COL6A1: variants seen among roughly 807,000 people sequenced by gnomAD.
COL6A1 encodes the protein collagen alpha-1(VI) chain.
Under a neutral mutation model 145.6 loss-of-function variants are expected in COL6A1, and 80 were observed. That is an observed-to-expected ratio of 0.55 (90% confidence interval 0.46 to 0.66). The LOEUF is 0.66. COL6A1 is among the 30% of genes least tolerant of loss of function. COL6A1 has a pLI of 0.00. For synonymous variants in COL6A1, 638 were observed against 622.8 expected, an observed-to-expected ratio of 1.02 and a Z score of -0.36; for missense variants, 1,364 against 1,473.8, an observed-to-expected ratio of 0.93 and a Z score of 1.22.
intron 3 of COL6A1, among the ~76,000 whole-genome samples, chr21:45,985,915 C>T (rs1203648605): frequency 2.0e-5 from 3 of 152,186 alleles, no homozygotes; most frequent in African/African-American, 2.4e-5. Flanking sequence ...TGGCCACACA[C>T]GTCAGAGTGC....
rs7277078 is a variant in COL6A1, at chr21:46,001,057, A to G, written c.1823-196A>G. The G allele has an allele frequency of 0.86, 694,846 of 806,988 alleles. 299,770 individuals carry two copies. Among genetic ancestry groups the G allele is most frequent in the Admixed American group, 0.91 (36,092 of 39,614 alleles). The allele number at this position is 806,988 out of a possible 1,614,324, so 50.0% of individuals were successfully genotyped here. On this transcript the variant is annotated intron_variant, in intron 29 of 34. Transcript: ENST00000361866. ...CACCCTAGCCTGGCTGAGCAACGCC[A>G]GCCCTGACCAGCCGCCGGACAGAGC...
rs201683626 is a variant in COL6A1 at position 46,004,025 on chromosome 21, C to T, written c.*12C>T. The T allele has an allele frequency of 8.9e-5, 143 of 1,612,912 alleles. No homozygotes were observed. The highest frequency in any genetic ancestry group is 1.1e-4 in the Non-Finnish European group (125 of 1,180,012). On this transcript the variant is annotated 3_prime_UTR_variant, in exon 35 of 35. Transcript: ENST00000361866. ...TGGCGCTGGGCTAGCCCACCCTGCA[C>T]GCCGGCACCAAACCCTGTCCTCCCA... is the stretch of plus-strand genomic sequence containing the variant.
chr21:46,002,733 A>G (rs1569519150), intron 33 of COL6A1, 23 bp downstream of exon 33: 2 of 1,558,964 alleles, frequency 1.3e-6, no homozygotes, highest in South Asian at 1.2e-5. Context: ...CCACCCGGGC[A>G]GTCCCAGATC....
At chr21:45,988,642 G>C (rs1193159131) in intron 8 of COL6A1, among the ~76,000 whole-genome samples, 2 of 152,152 alleles carry the variant, frequency 1.3e-5, no homozygotes, top group African/African-American at 4.8e-5. Context: ...TGGGTCCCCT[G>C]CTTCTGTGTG....
intron 13 of COL6A1, 53 bp from the exon 14 acceptor site, chr21:45,990,720 C>G (rs2077771762): frequency 6.6e-7 from 1 of 1,523,418 alleles, no homozygotes; most frequent in South Asian, 1.1e-5. Context: ...AGTTGATTGG[C>G]CTCAGTTTAC....
intron 1 of COL6A1, among the ~76,000 whole-genome samples, chr21:45,982,423 C>G (rs2077713021): frequency 6.6e-6 from 1 of 152,314 alleles, no homozygotes; most frequent in East Asian, 1.9e-4. Flanking sequence ...TTTCTGACTC[C>G]CCTCGAGGCA....
chr21:45,998,533 C>A, intron 24 of COL6A1, 100 bp downstream of exon 24: 1 of 1,529,000 alleles, frequency 6.5e-7, no homozygotes, highest in Admixed American at 1.7e-5. Flanking sequence ...GGCTCCCGAG[C>A]AAACACACGG....
chr21:46,002,682 G>A lies in COL6A1; in HGVS notation c.2406G>A (p.Leu802=). 6.2e-7 allele frequency: 1 copy of A among 1,613,660 alleles called. No homozygotes were observed. The highest frequency in any genetic ancestry group is 1.1e-5 in the South Asian group (1 of 91,086). Residue 802 remains leucine (L), a synonymous_variant, in exon 33 of 35, where the codon CTG becomes CTA. Coordinates refer to ENST00000361866, the MANE Select transcript of COL6A1 (RefSeq NM_001848.3). ...NYAELLEDAF[L]KNVTAQICID... is the part of the protein sequence containing the mutation. ...CAGAGCTGCTGGAGGATGCCTTCCT[G>A]AAGAATGTCACCGCCCAGATCTGCA...
At chr21:45,985,812 C>T (rs1385470250) in intron 3 of COL6A1, among the ~76,000 whole-genome samples, 3 of 152,222 alleles carry the variant, frequency 2.0e-5, no homozygotes, top group Non-Finnish European at 4.4e-5. Context: ...ATGGTTGTGC[C>T]CACTTCCCTC....
intron 33 of COL6A1, 80 bp downstream of exon 33, chr21:46,002,790 G>C: frequency 6.9e-7 from 1 of 1,439,790 alleles, no homozygotes; most frequent in Non-Finnish European, 9.5e-7. Flanking sequence ...GATCTGCGTA[G>C]GTGCACGCGG....
rs138652066 is a variant in COL6A1, at chr21:46,003,891, G to A, written c.2965G>A (p.Gly989Ser). 43 of 1,601,652 alleles carry A rather than the reference G, an allele frequency of 2.7e-5. No individual in the cohort carries two copies. Among genetic ancestry groups the A allele is most frequent in the Admixed American group, 3.4e-5 (2 of 59,652 alleles). ...GCCCCACATCCGCGTCCTGGTCACCGGCAAGACGGCCGAGTACGACGTGGC... is the reference window on the plus strand; with the variant it reads ...GCCCCACATCCGCGTCCTGGTCACCAGCAAGACGGCCGAGTACGACGTGGC... The part of the protein sequence containing the change: ...NEPHIRVLVT[G>S]KTAEYDVAYG... Residue 989 changes from glycine (G) to serine (S), a missense_variant, in exon 35 of 35, where the codon GGC (glycine) becomes AGC (serine). By Grantham distance (56) the Gly-to-Ser change is moderately conservative. This residue lies in a region of COL6A1 where 938 missense variants were observed against 1,003.8 expected (regional missense o/e 0.93). Transcript: ENST00000361866.
chr21:45,983,555 T>C (rs2077720470), intron 2 of COL6A1, among the ~76,000 whole-genome samples: 2 of 151,702 alleles, frequency 1.3e-5, no homozygotes, highest in Admixed American at 1.3e-4. Flanking sequence ...AGGCTGCCGG[T>C]AACAGCAGGG....
At position 46,003,767 on chromosome 21, in the gene COL6A1, G is replaced by A. The variant is rs768757964; in HGVS notation, c.2841G>A (p.Ser947=). The A allele has an allele frequency of 2.3e-5, 37 of 1,612,620 alleles. No homozygotes were observed. Among genetic ancestry groups the A allele is most frequent in the East Asian group, 4.5e-5 (2 of 44,884 alleles). The part of the protein sequence containing the change: ...KRLLLFSDGN[S]QGATPAAIEK... ...TGCTGCTCTTCTCAGATGGCAACTC[G>A]CAGGGCGCCACGCCCGCTGCCATCG... The change falls in exon 35 of 35, where the codon TCG becomes TCA. Residue 947 remains serine, a synonymous_variant. Transcript: ENST00000361866.
rs748701857 is a variant in COL6A1, at chr21:45,990,457, C to T, written c.1002+35C>T. 8.7e-5 allele frequency: 26 copies of T among 298,940 alleles called. 1 individual carries two copies. The highest frequency in any genetic ancestry group is 2.2e-4 in the African/African-American group (4 of 18,084). 18.5% of individuals were successfully genotyped at this position (298,940 alleles called of 1,614,324 possible). On this transcript the variant is annotated intron_variant, in intron 13 of 34. Coordinates refer to ENST00000361866, the MANE Select transcript of COL6A1 (RefSeq NM_001848.3). Reference sequence around the variant, plus strand: ...GGGAGATAGGATGGACGGGGAGGGACGAGGAGGAATGGGGCGAGATGGGGA... The same window carrying T: ...GGGAGATAGGATGGACGGGGAGGGATGAGGAGGAATGGGGCGAGATGGGGA...
At chr21:45,987,581 C>G in intron 7 of COL6A1, 29 bp from the exon 8 acceptor site, 1 of 1,612,626 alleles carries the variant, frequency 6.2e-7, no homozygotes. Context: ...AGTCTGGGGT[C>G]CTGGCTGACC....
At chr21:45,999,790 C>CA in intron 27 of COL6A1, 98 bp downstream of exon 27, 4 of 943,292 alleles carry the variant, frequency 4.2e-6, no homozygotes, top group South Asian at 1.4e-5. Flanking sequence ...AGACGCTGCT[C>CA]ACGGGGGGGT....
In COL6A1 at chr21:45,997,756, T is replaced by A; in HGVS notation, c.1518T>A (p.Gly506=). Residue 506 remains glycine (G), a synonymous_variant, in exon 22 of 35, where the codon GGT becomes GGA. Coordinates refer to ENST00000361866, the MANE Select transcript of COL6A1 (RefSeq NM_001848.3). The stretch of plus-strand genomic sequence containing the variant: ...CCCCTGGAGACCCGGGGCTGATGGG[T>A]GAAAGGGTGAGTGTCCAACAGCTCG... The part of the protein sequence containing the change: ...AGPPGDPGLM[G]ERGEDGPAGN... The A allele has an allele frequency of 6.3e-7, 1 of 1,590,018 alleles. No individual in the cohort carries two copies. Among genetic ancestry groups the A allele is most frequent in the Non-Finnish European group, 8.6e-7 (1 of 1,168,558 alleles).
chr21:45,993,269 C>T (rs1411371978), intron 19 of COL6A1, among the ~76,000 whole-genome samples: 5 of 152,266 alleles, frequency 3.3e-5, no homozygotes, highest in South Asian at 2.1e-4. Context: ...CTCCGTGGAC[C>T]GTGGGCCTCG....
In COL6A1 at chr21:45,999,519, A is replaced by T. The variant is rs1018884385; in HGVS notation, c.1741-138A>T. On this transcript the variant is annotated intron_variant, in intron 26 of 34. Transcript: ENST00000361866. ...GCCCTCACAGCACCGTCACTGGAGG[A>T]CGAGGGGCTGGGTAGGGAGGGACCG... is the stretch of plus-strand genomic sequence containing the variant. The T allele has an allele frequency of 9.5e-6, 9 of 951,834 alleles. No individual in the cohort carries two copies. The Admixed American group carries it at 1.0e-4, about 11-fold the overall frequency. 59.0% of individuals were successfully genotyped at this position (951,834 alleles called of 1,614,324 possible).
Sources: gnomAD v4.1 joint callset for allele counts (sites outside exome capture counted in the v4.1 genomes callset) on GRCh38, gnomAD v4.1.1 for gene constraint, gnomAD v4.1.1 regional missense constraint, MANE v1.5 for transcripts, NCBI Gene and HGNC (gene_info 2026-07-23, HGNC 2026-07-21) for gene names.